OLFML2B: variants seen among roughly 807,000 people sequenced by gnomAD.
The protein encoded by OLFML2B is olfactomedin-like protein 2B.
In OLFML2B, 57 loss-of-function variants were observed where a neutral mutation model predicts 74.9. The observed-to-expected ratio is 0.76, with a 90% CI of 0.61 to 0.95. OLFML2B has a LOEUF of 0.95. OLFML2B is among the 40% of genes least tolerant of loss of function. The pLI is 0.00. For synonymous variants in OLFML2B, 388 were observed against 405.8 expected (o/e 0.96, Z 0.53); for missense variants, 986 against 970.6 (o/e 1.02, Z -0.21).
At chr1:162,000,637 C>T (rs1425635714) in intron 4 of OLFML2B, among the ~76,000 whole-genome samples, 2 of 152,158 alleles carry the variant, frequency 1.3e-5, no homozygotes, top group African/African-American at 4.8e-5. Context: ...AGATTGAAGC[C>T]AGGATGTCTG....
intron 4 of OLFML2B, among the ~76,000 whole-genome samples, chr1:162,003,629 T>A (rs190433882): frequency 7.5e-4 from 114 of 152,254 alleles, no homozygotes; most frequent in African/African-American, 2.6e-3. Context: ...CGAATGTTCC[T>A]ACTTCCACCT....
intron 4 of OLFML2B, among the ~76,000 whole-genome samples, chr1:162,004,027 G>C (rs1383282467): frequency 6.6e-6 from 1 of 152,168 alleles, no homozygotes. Context: ...TTTTTATTTG[G>C]TTTGCTGTTT....
At chr1:162,014,765 C>T (rs868361014) in intron 3 of OLFML2B, among the ~76,000 whole-genome samples, 8 of 152,240 alleles carry the variant, frequency 5.3e-5, no homozygotes, top group Admixed American at 5.2e-4. Context: ...TGTCACACTT[C>T]AGCACCCTAT....
chr1:161,984,097 G>A lies in OLFML2B; in HGVS notation c.1831C>T (p.Pro611Ser), dbSNP rs775958674. 1.9e-6 allele frequency: 3 copies of A among 1,612,114 alleles called. No individual in the cohort carries two copies. Among genetic ancestry groups the A allele is most frequent in the Middle Eastern group, 1.7e-4 (1 of 6,058 alleles). The change falls in exon 8 of 8, where the codon CCC becomes TCC. Residue 611 changes from proline to serine, a missense_variant. Pro to Ser is a moderately conservative substitution (Grantham distance 74). Coordinates refer to ENST00000294794, the MANE Select transcript of OLFML2B (RefSeq NM_015441.3). ...LHDVAYEEAT[P>S]WRWQGHSDVD... ...TCTGAGTGGCCCTGCCATCGCCAGG[G>A]GGTGGCCTCCTCGTAGGCCACGTCA...
intron 3 of OLFML2B, among the ~76,000 whole-genome samples, chr1:162,013,508 G>A (rs1435750592): frequency 1.3e-5 from 2 of 152,264 alleles, no homozygotes; most frequent in Non-Finnish European, 2.9e-5. Flanking sequence ...GATGTGTGCA[G>A]AACTTTTATA....
At chr1:161,995,082 G>A (rs1047147854) in intron 6 of OLFML2B, among the ~76,000 whole-genome samples, 2 of 152,228 alleles carry the variant, frequency 1.3e-5, no homozygotes, top group Non-Finnish European at 2.9e-5. Flanking sequence ...ACACAGGCAA[G>A]TCAGGGGTCT....
At chr1:161,991,817 C>T (rs148946861) in intron 6 of OLFML2B, among the ~76,000 whole-genome samples, 172 of 152,320 alleles carry the variant, frequency 1.1e-3, no homozygotes, top group African/African-American at 3.9e-3. Context: ...AAAAGATGTG[C>T]TATTATCCAA....
chr1:161,999,415 G>A (rs558358874), intron 5 of OLFML2B, among the ~76,000 whole-genome samples: 6 of 152,222 alleles, frequency 3.9e-5, no homozygotes, highest in South Asian at 2.1e-4. Flanking sequence ...AAATGATGAC[G>A]CCAGCTACTG....
chr1:162,001,529 C>G lies in OLFML2B; in HGVS notation c.724-1191G>C, dbSNP rs187483588. ...GAAAGTCACTAACGACATCTTGGAG[C>G]TGATCATGCCAGCCCTGGACTGCCT... On this transcript the variant is annotated intron_variant, in intron 4 of 7. Transcript: ENST00000294794. Among the ~76,000 whole-genome samples, 6 of 152,314 alleles carry G rather than the reference C, an allele frequency of 3.9e-5. No individual in the cohort carries two copies. In the East Asian group the frequency reaches 1.2e-3, roughly 29 times the overall value.
chr1:161,986,315 A>C (rs1689592407), intron 6 of OLFML2B, among the ~76,000 whole-genome samples: 2 of 152,192 alleles, frequency 1.3e-5, no homozygotes, highest in South Asian at 2.1e-4. Context: ...AAACTGTTCC[A>C]ATCCGTTCCA....
intron 1 of OLFML2B, among the ~76,000 whole-genome samples, chr1:162,022,773 T>C (rs921392147): frequency 6.6e-6 from 1 of 152,040 alleles, no homozygotes; most frequent in Non-Finnish European, 1.5e-5. Flanking sequence ...TCTCTCTGTT[T>C]GGGGGTCACC....
rs960738473 is a variant in OLFML2B at position 161,998,629 on chromosome 1, G to A, written c.950-280C>T. Among the ~76,000 whole-genome samples the A allele has an allele frequency of 3.5e-5, 4 of 113,418 alleles. No individual in the cohort carries two copies. The South Asian group carries it at 8.3e-4, about 23-fold the overall frequency. 74.4% of individuals were successfully genotyped at this position (113,418 alleles called of 152,430 possible). Reference sequence around the variant, plus strand: ...CGCATAGTCATGGGTCCTGAACCCCGATGGCTGGGAGTAAGTGAGTCATCC... The same window carrying A: ...CGCATAGTCATGGGTCCTGAACCCCAATGGCTGGGAGTAAGTGAGTCATCC... On this transcript the variant is annotated intron_variant, in intron 5 of 7. Transcript: ENST00000294794.
Position 162,006,359 on chromosome 1 carries a change from T to C in OLFML2B, c.661A>G (p.Ser221Gly), listed in dbSNP as rs767556474. 2.5e-6 allele frequency: 4 copies of C among 1,612,952 alleles called. No individual in the cohort carries two copies. The highest frequency in any genetic ancestry group is 3.4e-6 in the Non-Finnish European group (4 of 1,179,652). The change falls in exon 4 of 8, where the codon AGC becomes GGC. Residue 221 changes from serine (S) to glycine (G), a missense_variant. Transcript: ENST00000294794. ...AGGGCTGAGCGGATGTCTGGCATGC[T>C]ATCTAGGATGTTTTCAGAGCAATTT... is the stretch of plus-strand genomic sequence containing the variant. ...KENCSENILD[S>G]MPDIRSALQR...
chr1:161,986,813 A>T (rs1043603121), intron 6 of OLFML2B, among the ~76,000 whole-genome samples: 4 of 152,350 alleles, frequency 2.6e-5, no homozygotes, highest in Admixed American at 6.5e-5. Flanking sequence ...CAAAGCTCAG[A>T]AAGGGCACCA....
chr1:161,990,116 T>C (rs1054771768), intron 6 of OLFML2B, among the ~76,000 whole-genome samples: 2 of 152,224 alleles, frequency 1.3e-5, no homozygotes, highest in East Asian at 1.9e-4. Context: ...GGGAGTGTTG[T>C]TAAAATGTTC....
intron 4 of OLFML2B, among the ~76,000 whole-genome samples, chr1:162,002,335 G>A (rs1345286621): frequency 6.6e-6 from 1 of 152,186 alleles, no homozygotes; most frequent in Admixed American, 6.5e-5. Context: ...GGGGAGGTGA[G>A]TGAGCTCCCT....
intron 6 of OLFML2B, among the ~76,000 whole-genome samples, chr1:161,992,185 G>C (rs758849486): frequency 1.4e-4 from 22 of 152,294 alleles, no homozygotes; most frequent in Admixed American, 6.5e-4. Flanking sequence ...TTACATTATG[G>C]AGACAACTTC....
intron 3 of OLFML2B, among the ~76,000 whole-genome samples, chr1:162,007,585 T>A (rs1283053936): frequency 6.6e-6 from 1 of 152,218 alleles, no homozygotes; most frequent in Non-Finnish European, 1.5e-5. Context: ...AAATAGAGGA[T>A]GTGTTTGCTT....
At chr1:161,998,740 T>C (rs922548779) in intron 5 of OLFML2B, among the ~76,000 whole-genome samples, 2 of 152,070 alleles carry the variant, frequency 1.3e-5, no homozygotes, top group Non-Finnish European at 2.9e-5. Flanking sequence ...AGCTTCTATA[T>C]AGTGGTGGAG....
Sources: gnomAD v4.1 joint callset for allele counts (sites outside exome capture counted in the v4.1 genomes callset) on GRCh38, gnomAD v4.1.1 for gene constraint, MANE v1.5 for transcripts, NCBI Gene and HGNC (gene_info 2026-07-23, HGNC 2026-07-21) for gene names.